NUP210L: variants seen among roughly 807,000 people sequenced by gnomAD.
NUP210L encodes nuclear pore membrane glycoprotein 210-like.
In NUP210L, 74 loss-of-function variants were observed where a neutral mutation model predicts 208.5. The ratio of observed to expected loss-of-function variants is 0.35; its 90% confidence interval spans 0.29 to 0.43. NUP210L has a LOEUF of 0.43. NUP210L is among the 20% of genes least tolerant of loss of function. NUP210L has a pLI of 1.00. For synonymous variants in NUP210L, 780 were observed against 816.9 expected, an observed-to-expected ratio of 0.95 and a Z score of 0.77; for missense variants, 1,843 against 2,289.4, an observed-to-expected ratio of 0.81 and a Z score of 3.98.
intron 38 of NUP210L, 59 bp downstream of exon 38, chr1:153,995,011 CAAAAAA>C (rs376157395): frequency 6.1e-5 from 44 of 724,166 alleles, no homozygotes; most frequent in South Asian, 3.2e-4. Context: ...AACTCCATCT[CAAAAAA>C]AAAAAAAAAA....
intron 32 of NUP210L, among the ~76,000 whole-genome samples, chr1:154,021,852 C>T (rs1191271341): frequency 6.6e-6 from 1 of 152,142 alleles, no homozygotes; most frequent in African/African-American, 2.4e-5. Flanking sequence ...TTATCAGTAA[C>T]ATTACAAATA....
intron 16 of NUP210L, among the ~76,000 whole-genome samples, chr1:154,086,139 G>A (rs1369470183): frequency 6.6e-6 from 1 of 150,950 alleles, no homozygotes; most frequent in East Asian, 1.9e-4. Flanking sequence ...TTGAACCCAG[G>A]AGGCAGAGAT....
rs1428227894 is a variant in NUP210L at position 154,072,347 on chromosome 1, T to G, written c.2362-1882A>C. ...CATTCCTTTTTTTTTTTTTTTTTTT[T>G]TTTGAGACGGAGTCTCGCTCTGTTG... On this transcript the variant is annotated intron_variant, in intron 16 of 39. Coordinates refer to ENST00000368559, the Ensembl canonical transcript of NUP210L. Among the ~76,000 whole-genome samples, 4 of 145,762 alleles carry G rather than the reference T, an allele frequency of 2.7e-5. No individual in the cohort carries two copies. In the South Asian group the frequency reaches 9.0e-4, roughly 33 times the overall value.
At chr1:154,054,113 C>T in intron 25 of NUP210L, 115 bp downstream of exon 25, 3 of 1,044,276 alleles carry the variant, frequency 2.9e-6, no homozygotes, top group South Asian at 3.0e-5. Context: ...GGTAGGGGCA[C>T]TCTAAGGCTT....
At chr1:154,017,519 C>CTTTTT (rs553512184) in intron 33 of NUP210L, among the ~76,000 whole-genome samples, 60 of 127,942 alleles carry the variant, frequency 4.7e-4, no homozygotes, top group East Asian at 7.0e-4. Context: ...TTCTTTCTTT[C>CTTTTT]TTTTTTTTTT....
At chr1:154,008,382 C>G (rs1557910114) in intron 35 of NUP210L, among the ~76,000 whole-genome samples, 1 of 151,864 alleles carries the variant, frequency 6.6e-6, no homozygotes, top group African/African-American at 2.4e-5. Context: ...GACCCTGTCC[C>G]TACACAAACA....
intron 35 of NUP210L, among the ~76,000 whole-genome samples, chr1:154,008,502 T>C (rs1314641387): frequency 6.6e-6 from 1 of 151,968 alleles, no homozygotes; most frequent in East Asian, 1.9e-4. Context: ...AGGTCAGGAG[T>C]TCGAGACCAG....
chr1:154,070,294 T>G (rs776441354), exon 17 of NUP210L: 2 of 1,608,486 alleles, frequency 1.2e-6, no homozygotes, highest in South Asian at 2.2e-5. Context: ...GTCTGCCCAC[T>G]GCCATCATCT....
In NUP210L at chr1:154,136,901, C is replaced by CA. The variant is rs1329962175; in HGVS notation, c.851-930dup. ...TGCCACTGCACTCCAGCCTGGGCGA[C>CA]AGAGTGAGAATCCATCTCAAAAAAA... On this transcript the variant is annotated intron_variant, in intron 6 of 39. Transcript: ENST00000368559. Among the ~76,000 whole-genome samples, 24 of 103,722 alleles carry CA rather than the reference C, an allele frequency of 2.3e-4. No homozygotes were observed. The Middle Eastern group carries it at 0.058, about 251-fold the overall frequency. The allele number at this position is 103,722 out of a possible 152,430, so 68.0% of individuals were successfully genotyped here. A position where few individuals can be genotyped will look rare whatever the true frequency, so the allele number is the denominator to read the frequency against.
rs1260897387 is a variant in NUP210L at position 154,127,280 on chromosome 1, GAGCTC to G, written c.1185+26_1185+30del. Reference sequence around the variant, plus strand: ...ATCTTATGTATCTTATCCCTACAAGGAGCTCAGAAAAATAAAAAAGACTGACTCAC... The same window carrying G: ...ATCTTATGTATCTTATCCCTACAAGGAGAAAAATAAAAAAGACTGACTCAC... On this transcript the variant is annotated intron_variant, in intron 9 of 39. Transcript: ENST00000368559. 3 of 1,064,636 alleles carry G rather than the reference GAGCTC, an allele frequency of 2.8e-6. No individual in the cohort carries two copies. In the Admixed American group the frequency reaches 5.5e-5, roughly 19 times the overall value. The allele number at this position is 1,064,636 out of a possible 1,614,324, so 65.9% of individuals were successfully genotyped here.
In NUP210L at chr1:154,092,044, A is replaced by T. The variant is rs1435917199; in HGVS notation, c.2188-2450T>A. ...GAAAGTAGATTGGTGGTTGCCAGGGACTGGGGTGAAGCAGAAATGGGGAGC... is the reference window on the plus strand; with the variant it reads ...GAAAGTAGATTGGTGGTTGCCAGGGTCTGGGGTGAAGCAGAAATGGGGAGC... On this transcript the variant is annotated intron_variant, in intron 15 of 39. Transcript: ENST00000368559. 1.1e-4 allele frequency among the ~76,000 whole-genome samples: 17 copies of T among 150,924 alleles called. 1 individual carries two copies. Among genetic ancestry groups the T allele is most frequent in the Admixed American group, 1.1e-3 (17 of 15,116 alleles).
At chr1:154,059,281 G>A (rs1654021516) in intron 20 of NUP210L, among the ~76,000 whole-genome samples, 1 of 151,222 alleles carries the variant, frequency 6.6e-6, no homozygotes, top group African/African-American at 2.4e-5. Flanking sequence ...GATGCAGGGA[G>A]TTGAGACTGT....
rs770675163 is a variant in NUP210L at position 154,060,545 on chromosome 1, CAG to C, written c.2843_2844del (p.Ser948CysfsTer2). On this transcript the variant is annotated frameshift_variant, in exon 20 of 40. Coordinates refer to ENST00000368559, the Ensembl canonical transcript of NUP210L. LOFTEE classifies it high-confidence loss of function. ...GGACTGTCTCTAGAGCTCACCTCAACAGAGCTTTCTGCTTCCATGTAAGTGAT... is the reference window on the plus strand; with the variant it reads ...GGACTGTCTCTAGAGCTCACCTCAACAGCTTTCTGCTTCCATGTAAGTGAT... The C allele has an allele frequency of 4.4e-6, 7 of 1,607,718 alleles. No individual in the cohort carries two copies. Among genetic ancestry groups the C allele is most frequent in the Non-Finnish European group, 6.0e-6 (7 of 1,174,462 alleles).
intron 17 of NUP210L, among the ~76,000 whole-genome samples, chr1:154,062,811 C>A (rs1332394380): frequency 2.0e-5 from 3 of 151,974 alleles, no homozygotes; most frequent in African/African-American, 7.2e-5. Context: ...AACTCCCGAG[C>A]TCAAGTGATC....
exon 13 of NUP210L, chr1:154,104,136 T>C (rs371835579): frequency 6.2e-7 from 1 of 1,613,948 alleles, no homozygotes; most frequent in Non-Finnish European, 8.5e-7. Context: ...CAATGGGTAT[T>C]TCTATAATCT....
At chr1:154,022,091 C>T in intron 32 of NUP210L, 35 bp downstream of exon 32, 1 of 1,505,602 alleles carries the variant, frequency 6.6e-7, no homozygotes, top group Non-Finnish European at 9.2e-7. Flanking sequence ...CCACAACTAT[C>T]AATTGTAAGT....
intron 27 of NUP210L, among the ~76,000 whole-genome samples, chr1:154,044,361 C>T (rs1653057997): frequency 1.3e-5 from 2 of 150,524 alleles, no homozygotes; most frequent in East Asian, 2.0e-4. Context: ...GAGCCGAGAT[C>T]GTACCATTGC....
rs368762107 is a variant in NUP210L at position 154,092,107 on chromosome 1, G to A, written c.2188-2513C>T. On this transcript the variant is annotated intron_variant, in intron 15 of 39. Coordinates refer to ENST00000368559, the Ensembl canonical transcript of NUP210L. ...TTTTTTTTTTTTGAGACGGAGTCTC[G>A]CTCTGTCGCCCAGGCTGGAGTGCAG... 2.2e-5 allele frequency among the ~76,000 whole-genome samples: 3 copies of A among 137,586 alleles called. No individual in the cohort carries two copies. In the East Asian group the frequency reaches 6.4e-4, roughly 29 times the overall value. The allele number at this position is 137,586 out of a possible 152,430, so 90.3% of individuals were successfully genotyped here.
intron 14 of NUP210L, among the ~76,000 whole-genome samples, chr1:154,098,664 A>C (rs930366747): frequency 1.3e-5 from 2 of 152,142 alleles, no homozygotes; most frequent in African/African-American, 4.8e-5. Context: ...TTTTATGGGC[A>C]TCAGAGGGGA....
Sources: allele counts gnomAD v4.1 joint callset (sites outside exome capture counted in the v4.1 genomes callset), GRCh38; gene constraint gnomAD v4.1.1; transcripts MANE v1.5; gene names NCBI Gene and HGNC (gene_info 2026-07-23, HGNC 2026-07-21).